The following SLC14A2 variants were observed in gnomAD, a reference collection of about 807,000 sequenced individuals.
SLC14A2 encodes the protein solute carrier family 14 member 2, also known as urea transporter 2.
In SLC14A2, 91 loss-of-function variants were observed where a neutral mutation model predicts 104.6. The ratio of observed to expected loss-of-function variants is 0.87; its 90% CI spans 0.73 to 1.04. The LOEUF (loss-of-function observed/expected upper bound fraction) is 1.04, where lower values mean the gene tolerates loss of function less well. Among genes scored for constraint, SLC14A2 ranks in the 50% least tolerant of loss-of-function variants. The probability of loss-of-function intolerance (pLI) is 0.00; values close to 1 mark genes in which losing one functional copy is unlikely to be tolerated. For missense variants in SLC14A2, 1,189 were observed against 1,156.0 expected (o/e 1.03, Z -0.41); for synonymous variants, 476 against 466.4 (o/e 1.02, Z -0.27).
upstream of SLC14A2, among the ~76,000 whole-genome samples, chr18:45,612,764 C>T (rs1161794106): frequency 6.6e-6 from 1 of 152,150 alleles, no homozygotes; most frequent in Non-Finnish European, 1.5e-5. Context: ...GTGTCAAAGT[C>T]GGACCCAGTA....
At chr18:45,416,280 A>G (rs1459865692) in intron 1 of SLC14A2, among the ~76,000 whole-genome samples, 1 of 148,380 alleles carries the variant, frequency 6.7e-6, no homozygotes, top group Non-Finnish European at 1.5e-5. Context: ...ATACACAGCA[A>G]GGATAACTAC....
At chr18:45,479,467 A>G (rs1046067576) in intron 1 of SLC14A2, among the ~76,000 whole-genome samples, 14 of 152,298 alleles carry the variant, frequency 9.2e-5, no homozygotes, top group African/African-American at 3.1e-4. Context: ...AATAAAGCAT[A>G]CTTCCCAGGG....
intron 1 of SLC14A2, among the ~76,000 whole-genome samples, chr18:45,286,718 T>TTGTGTGTGTGTGTG (rs112827861): frequency 0.035 from 5,262 of 150,664 alleles, 122 homozygotes; most frequent in Middle Eastern, 0.1. Flanking sequence ...TCCCCCCAAC[T>TTGTGTGTGTGTGTG]TGTGTGTGTG....
chr18:45,517,018 A>G (rs192918718), intron 2 of SLC14A2, among the ~76,000 whole-genome samples: 1 of 152,308 alleles, frequency 6.6e-6, no homozygotes, highest in Admixed American at 6.5e-5. Context: ...CCAGGCTCTC[A>G]CTGTGTGCTG....
intron 2 of SLC14A2, among the ~76,000 whole-genome samples, chr18:45,556,996 A>C (rs920162700): frequency 6.6e-6 from 1 of 152,236 alleles, no homozygotes; most frequent in African/African-American, 2.4e-5. Flanking sequence ...ATCTGAGTCC[A>C]ACCAGGTTTA....
intron 1 of SLC14A2, among the ~76,000 whole-genome samples, chr18:45,466,939 G>A (rs184971870): frequency 8.9e-4 from 135 of 152,060 alleles, no homozygotes; most frequent in African/African-American, 3.1e-3. Context: ...CCCTTCTCCC[G>A]CGGAGCTCTA....
At chr18:45,235,558 C>T (rs1444568133) in intron 1 of SLC14A2, among the ~76,000 whole-genome samples, 1 of 151,888 alleles carries the variant, frequency 6.6e-6, no homozygotes, top group Non-Finnish European at 1.5e-5. Context: ...TAACCAACCT[C>T]TGTATATTCC....
chr18:45,529,800 TG>T (rs1281319284), intron 2 of SLC14A2: 1 of 152,102 alleles, frequency 6.6e-6, no homozygotes, highest in Non-Finnish European at 1.5e-5. Context: ...AGCCCTTTGG[TG>T]GGGGGCTATC....
chr18:45,571,311 G>A (rs996250250), intron 2 of SLC14A2, among the ~76,000 whole-genome samples: 2 of 152,248 alleles, frequency 1.3e-5, no homozygotes, highest in African/African-American at 4.8e-5. Flanking sequence ...ATGGAGCCAT[G>A]AGGGACTGTT....
At chr18:45,328,428 G>A (rs1356110580) in intron 1 of SLC14A2, among the ~76,000 whole-genome samples, 3 of 152,160 alleles carry the variant, frequency 2.0e-5, no homozygotes, top group Admixed American at 6.6e-5. Flanking sequence ...CTCTGTCACA[G>A]CATTTTCAGG....
intron 1 of SLC14A2, among the ~76,000 whole-genome samples, chr18:45,391,924 G>A (rs1029947905): frequency 1.2e-4 from 18 of 152,184 alleles, no homozygotes; most frequent in African/African-American, 3.4e-4. Flanking sequence ...GAAGCTCTTT[G>A]GTTTAATTAG....
intron 2 of SLC14A2, among the ~76,000 whole-genome samples, chr18:45,490,891 A>T (rs942749717): frequency 4.6e-5 from 7 of 152,238 alleles, no homozygotes; most frequent in Non-Finnish European, 1.0e-4. Flanking sequence ...ACTGATAATC[A>T]GGGAAATGCC....
chr18:45,532,079 T>A lies in SLC14A2; in HGVS notation c.-35+48757T>A, dbSNP rs1260780256. Among the ~76,000 whole-genome samples the A allele has an allele frequency of 3.9e-5, 6 of 152,306 alleles. No homozygotes were observed. The South Asian group carries it at 1.2e-3, about 32-fold the overall frequency. On this transcript the variant is annotated intron_variant, in intron 2 of 20. Transcript: ENST00000586448. Reference sequence around the variant, plus strand: ...GTCTATATCTCTGTTTTGGTAGGAGTACCATGCTGTTTTTGTTACTGTAGC... The same window carrying A: ...GTCTATATCTCTGTTTTGGTAGGAGAACCATGCTGTTTTTGTTACTGTAGC...
intron 10 of SLC14A2, among the ~76,000 whole-genome samples, chr18:45,650,891 C>G (rs1023066343): frequency 7.9e-6 from 1 of 126,214 alleles, no homozygotes; most frequent in Non-Finnish European, 1.6e-5. Flanking sequence ...AGGCACCCAC[C>G]ACCATGCCCA....
At chr18:45,244,993 G>T (rs1202143459) in intron 1 of SLC14A2, among the ~76,000 whole-genome samples, 1 of 152,142 alleles carries the variant, frequency 6.6e-6, no homozygotes, top group Non-Finnish European at 1.5e-5. Context: ...GATTCTGTCG[G>T]CAGGGCAATC....
At position 45,682,564 on chromosome 18, in the gene SLC14A2, C is replaced by T. The variant is rs760031977; in HGVS notation, c.*45C>T. The T allele has an allele frequency of 1.2e-5, 19 of 1,531,970 alleles. No individual in the cohort carries two copies. The highest frequency in any genetic ancestry group is 6.7e-5 in the Admixed American group (4 of 59,912). The allele number at this position is 1,531,970 out of a possible 1,614,324, so 94.9% of individuals were successfully genotyped here. ...ATCAGTGTAAATTCAGGCTTCAGCA[C>T]GCCGTCCAGATCCCCAGGATAAGAG... On this transcript the variant is annotated 3_prime_UTR_variant, in exon 20 of 20. Transcript: ENST00000255226.
At chr18:45,678,655 A>G (rs1394869251) in intron 18 of SLC14A2, among the ~76,000 whole-genome samples, 1 of 152,238 alleles carries the variant, frequency 6.6e-6, no homozygotes, top group African/African-American at 2.4e-5. Flanking sequence ...CCTTTGCCGT[A>G]TAGTAAAATT....
At chr18:45,220,352 G>A (rs2084049610) in intron 1 of SLC14A2, among the ~76,000 whole-genome samples, 1 of 152,180 alleles carries the variant, frequency 6.6e-6, no homozygotes, top group African/African-American at 2.4e-5. Flanking sequence ...TTTGCAATCA[G>A]TTATCAGGCC....
intron 1 of SLC14A2, among the ~76,000 whole-genome samples, chr18:45,372,633 T>C (rs758438412): frequency 2.6e-5 from 4 of 152,116 alleles, no homozygotes; most frequent in African/African-American, 7.2e-5. Context: ...AACATGCAAG[T>C]TCCGATGCAG....
Sources: gnomAD v4.1 joint callset for allele counts (sites outside exome capture counted in the v4.1 genomes callset) on GRCh38, gnomAD v4.1.1 for gene constraint, MANE v1.5 for transcripts, NCBI Gene and HGNC (gene_info 2026-07-23, HGNC 2026-07-21) for gene names.